Variants in NFASC observed in about 807,000 individuals in gnomAD.
The protein encoded by NFASC is neurofascin.
NFASC carries 43 observed loss-of-function variants against 147.5 expected under a neutral mutation model. That is an observed-to-expected ratio of 0.29 (90% confidence interval 0.23 to 0.38). NFASC has a LOEUF of 0.38. Ranked by LOEUF, NFASC falls within the 10% of genes least tolerant of loss-of-function variation. The probability of loss-of-function intolerance (pLI) is 1.00; values close to 1 mark genes in which losing one functional copy is unlikely to be tolerated. For missense variants in NFASC, 1,320 were observed against 1,689.0 expected (o/e 0.78, Z 3.83); for synonymous variants, 622 against 665.5 (o/e 0.93, Z 1.01).
chr1:204,952,197 A>G, intron 5 of NFASC, 81 bp downstream of exon 5: 4 of 1,109,958 alleles, frequency 3.6e-6, no homozygotes, highest in Non-Finnish European at 4.0e-6. Flanking sequence ...ATGAGGCAGC[A>G]GGAAAATTGG....
intron 1 of NFASC, among the ~76,000 whole-genome samples, chr1:204,852,932 G>C (rs955130581): frequency 2.0e-5 from 3 of 152,186 alleles, no homozygotes; most frequent in African/African-American, 7.2e-5. Context: ...CTGGTCTGGA[G>C]GCAAGTCCCA....
At chr1:204,973,852 C>A (rs570887799) in intron 12 of NFASC, among the ~76,000 whole-genome samples, 2 of 152,230 alleles carry the variant, frequency 1.3e-5, no homozygotes, top group East Asian at 3.9e-4. Flanking sequence ...GCTGTACCCG[C>A]TGGGCAGGGA....
intron 1 of NFASC, among the ~76,000 whole-genome samples, chr1:204,888,723 A>G (rs1226032595): frequency 6.6e-6 from 1 of 152,240 alleles, no homozygotes; most frequent in Admixed American, 6.5e-5. Context: ...CCTCCCATAT[A>G]GTAGAGATTT....
At chr1:204,839,385 A>G (rs1019166616) in intron 1 of NFASC, among the ~76,000 whole-genome samples, 2 of 102,912 alleles carry the variant, frequency 1.9e-5, no homozygotes, top group African/African-American at 8.9e-5. Context: ...ACACACACAC[A>G]CACACACACA....
At position 204,988,638 on chromosome 1, in the gene NFASC, G is replaced by C; in HGVS notation, c.2599G>C (p.Gly867Arg). 2 of 1,614,034 alleles carry C rather than the reference G, an allele frequency of 1.2e-6. No homozygotes were observed. Among genetic ancestry groups the C allele is most frequent in the Non-Finnish European group, 1.7e-6 (2 of 1,179,940 alleles). The change falls in exon 23 of 30, where the codon GGG becomes CGG. Residue 867 changes from glycine (G) to arginine (R), a missense_variant. Gly to Arg is a moderately radical substitution (Grantham distance 125). Transcript: ENST00000339876. ...ACTTACCTCTCTCTCCCCAGTTAAC[G>C]GGACCAAAGTAGGAAAGCAGATAGT... ...GYTLKYVAFN[G>R]TKVGKQIVEN...
chr1:204,991,350 C>A, intron 24 of NFASC, 44 bp downstream of exon 24: 1 of 1,602,992 alleles, frequency 6.2e-7, no homozygotes, highest in Non-Finnish European at 8.5e-7. Context: ...CATGGGGCAG[C>A]GCAGGCGGAG....
chr1:204,961,317 G>A (rs1456153228), intron 8 of NFASC, among the ~76,000 whole-genome samples: 4 of 152,170 alleles, frequency 2.6e-5, no homozygotes, highest in South Asian at 2.1e-4. Context: ...AGAGAGCTTC[G>A]AACCTCCAGA....
At chr1:204,899,610 C>T (rs1288352248) in intron 1 of NFASC, among the ~76,000 whole-genome samples, 1 of 152,210 alleles carries the variant, frequency 6.6e-6, no homozygotes, top group Non-Finnish European at 1.5e-5. Flanking sequence ...CCTTCCTTCT[C>T]AAAAGCTCCC....
intron 1 of NFASC, among the ~76,000 whole-genome samples, chr1:204,841,997 G>A (rs749432573): frequency 2.4e-4 from 36 of 152,174 alleles, no homozygotes; most frequent in Admixed American, 9.2e-4. Context: ...ACCAGTTAGC[G>A]GGTGGAGCCC....
intron 2 of NFASC, among the ~76,000 whole-genome samples, chr1:204,934,137 C>CAAAA (rs10633193): frequency 4.4e-5 from 5 of 113,508 alleles, no homozygotes; most frequent in Non-Finnish European, 7.0e-5. Flanking sequence ...GACTCCATTT[C>CAAAA]AAAAAAAAAA....
At chr1:204,902,565 G>A (rs868486846) in intron 1 of NFASC, among the ~76,000 whole-genome samples, 49 of 152,040 alleles carry the variant, frequency 3.2e-4, no homozygotes, top group African/African-American at 1.1e-3. Flanking sequence ...ATCAGTAGAT[G>A]AAATTAGACA....
chr1:204,989,070 C>T (rs2095668625), intron 23 of NFASC: 2 of 522,922 alleles, frequency 3.8e-6, no homozygotes, highest in African/African-American at 1.9e-5. Context: ...CATCTATCAT[C>T]TTTCCTTCTT....
rs912412411 is a variant in NFASC, at chr1:205,002,877, G to T, written c.3289+129G>T. 8 of 674,198 alleles carry T rather than the reference G, an allele frequency of 1.2e-5. No individual in the cohort carries two copies. The East Asian group carries it at 2.3e-4, about 19-fold the overall frequency. 41.8% of individuals were successfully genotyped at this position (674,198 alleles called of 1,614,324 possible). On this transcript the variant is annotated intron_variant, in intron 27 of 29. Coordinates refer to ENST00000339876, the MANE Select transcript of NFASC (RefSeq NM_001005388.3). ...CACCCCATTTCCCACCTTGCATGGC[G>T]TGTCTCAGCTCTTATTATGTATCAG...
intron 27 of NFASC, among the ~76,000 whole-genome samples, chr1:205,005,460 C>T (rs1359329655): frequency 3.9e-5 from 6 of 152,112 alleles, no homozygotes; most frequent in Admixed American, 1.3e-4. Context: ...GCGTGGGGGC[C>T]GGACGAGAGG....
chr1:204,892,297 C>A lies in NFASC; in HGVS notation c.-199-28335C>A, dbSNP rs190237254. 7.7e-4 allele frequency among the ~76,000 whole-genome samples: 118 copies of A among 152,344 alleles called. 1 individual carries two copies. The highest frequency in any genetic ancestry group is 5.0e-3 in the South Asian group (24 of 4,826). ...AGCAAATGTAGCAACACTGTCTGCTCTAGTATCCACTGTCTTGTTGCATAA... is the reference window on the plus strand; with the variant it reads ...AGCAAATGTAGCAACACTGTCTGCTATAGTATCCACTGTCTTGTTGCATAA... On this transcript the variant is annotated intron_variant, in intron 1 of 29. Coordinates refer to ENST00000339876, the MANE Select transcript of NFASC (RefSeq NM_001005388.3).
intron 2 of NFASC, among the ~76,000 whole-genome samples, chr1:204,938,642 G>A (rs1452690050): frequency 6.6e-6 from 1 of 152,180 alleles, no homozygotes; most frequent in Non-Finnish European, 1.5e-5. Flanking sequence ...ATGTCCAGAG[G>A]TCTTCTACCA....
chr1:204,858,570 AC>A (rs1246439323), intron 1 of NFASC, among the ~76,000 whole-genome samples: 1 of 152,156 alleles, frequency 6.6e-6, no homozygotes, highest in Non-Finnish European at 1.5e-5. Context: ...ATTCCTGGAT[AC>A]TAGGCAGGAG....
At chr1:204,989,505 A>C (rs1225349054) in intron 23 of NFASC, 3 of 152,278 alleles carry the variant, frequency 2.0e-5, no homozygotes, top group Non-Finnish European at 4.4e-5. Flanking sequence ...CTCCAGGCTC[A>C]CCCGCACACG....
chr1:204,972,142 C>T (rs2095277788), intron 11 of NFASC, among the ~76,000 whole-genome samples: 1 of 152,184 alleles, frequency 6.6e-6, no homozygotes, highest in Non-Finnish European at 1.5e-5. Flanking sequence ...TGCTGATTCC[C>T]CGGTTCTGGG....
Sources: allele counts gnomAD v4.1 joint callset (sites outside exome capture counted in the v4.1 genomes callset), GRCh38; gene constraint gnomAD v4.1.1; transcripts MANE v1.5; gene names NCBI Gene and HGNC (gene_info 2026-07-23, HGNC 2026-07-21).